RGS7: variants seen among roughly 807,000 people sequenced by gnomAD.
The protein encoded by RGS7 is regulator of G-protein signaling 7.
RGS7 carries 27 observed loss-of-function variants against 81.1 expected under a neutral mutation model. The ratio of observed to expected loss-of-function variants is 0.33; its 90% CI spans 0.25 to 0.46. The LOEUF (loss-of-function observed/expected upper bound fraction) is 0.46. RGS7 is among the 20% of genes least tolerant of loss of function. RGS7 has a pLI of 1.00. For missense variants in RGS7, 396 were observed against 607.4 expected, an observed-to-expected ratio of 0.65 and a Z score of 3.66; for synonymous variants, 208 against 207.7, an observed-to-expected ratio of 1.00 and a Z score of -0.01.
chr1:241,133,463 G>A (rs1263889206), intron 2 of RGS7, among the ~76,000 whole-genome samples: 1 of 151,450 alleles, frequency 6.6e-6, no homozygotes, highest in Non-Finnish European at 1.5e-5. Context: ...CAATATTGTA[G>A]AAAACTAAAG....
intron 16 of RGS7, among the ~76,000 whole-genome samples, 166 bp from the exon 17 acceptor site, chr1:240,801,674 AGGCTTCTTCTCACAGGACATG>A (rs1027439723): frequency 6.6e-6 from 1 of 152,170 alleles, no homozygotes; most frequent in African/African-American, 2.4e-5. Context: ...CCGCCAAGGG[AGGCTTCTTCTCACAGGACATG>A]GGCTCTGCTT....
intron 2 of RGS7, among the ~76,000 whole-genome samples, chr1:241,210,215 T>C (rs1050499091): frequency 1.3e-5 from 2 of 152,192 alleles, no homozygotes; most frequent in Non-Finnish European, 2.9e-5. Context: ...AGTGGTGCTA[T>C]CTTGGTTCAC....
At chr1:240,880,578 T>G (rs952739423) in intron 6 of RGS7, among the ~76,000 whole-genome samples, 1 of 152,162 alleles carries the variant, frequency 6.6e-6, no homozygotes, top group Non-Finnish European at 1.5e-5. Context: ...TGCTGCTCTA[T>G]AAACTGAGGT....
intron 3 of RGS7, among the ~76,000 whole-genome samples, chr1:241,083,258 C>CAAAAA (rs2063249548): frequency 8.0e-6 from 1 of 124,914 alleles, no homozygotes; most frequent in African/African-American, 4.0e-5. Flanking sequence ...GAAAAAGAAA[C>CAAAAA]AAAACAAAAC....
At chr1:241,162,188 C>T (rs891870181) in intron 2 of RGS7, among the ~76,000 whole-genome samples, 1 of 151,208 alleles carries the variant, frequency 6.6e-6, no homozygotes, top group African/African-American at 2.4e-5. Flanking sequence ...AGACCGTCTC[C>T]CAATAGATAT....
At chr1:240,978,137 C>T (rs1684419387) in intron 4 of RGS7, among the ~76,000 whole-genome samples, 1 of 152,196 alleles carries the variant, frequency 6.6e-6, no homozygotes, top group African/African-American at 2.4e-5. Context: ...GACGATCCCA[C>T]TGACATATAC....
chr1:240,936,047 G>C (rs1038627676), intron 5 of RGS7, among the ~76,000 whole-genome samples: 4 of 152,154 alleles, frequency 2.6e-5, no homozygotes, highest in African/African-American at 9.7e-5. Flanking sequence ...AAGAATAATA[G>C]CATCTGTGTC....
intron 6 of RGS7, among the ~76,000 whole-genome samples, chr1:240,876,416 C>A (rs990642029): frequency 6.6e-6 from 1 of 152,206 alleles, no homozygotes; most frequent in Non-Finnish European, 1.5e-5. Context: ...AAAGCAATTA[C>A]TGGGATCATG....
intron 4 of RGS7, among the ~76,000 whole-genome samples, chr1:240,944,417 G>A (rs1479141354): frequency 2.0e-5 from 3 of 149,858 alleles, no homozygotes; most frequent in Non-Finnish European, 4.4e-5. Context: ...CATCACAATG[G>A]CAAGGGCCAG....
intron 17 of RGS7, 31 bp downstream of exon 17, chr1:240,801,424 G>T (rs553612130): frequency 8.3e-6 from 12 of 1,448,228 alleles, no homozygotes; most frequent in Middle Eastern, 1.8e-4. Flanking sequence ...TGGACTTAAT[G>T]ATTCATAATT....
At chr1:240,974,526 G>T (rs989576117) in intron 4 of RGS7, among the ~76,000 whole-genome samples, 8 of 152,188 alleles carry the variant, frequency 5.3e-5, no homozygotes, top group Admixed American at 5.2e-4. Flanking sequence ...GCTGGAGAGG[G>T]TATGTGTCCT....
At chr1:241,336,051 TGAA>T (rs1352733926) in intron 2 of RGS7, among the ~76,000 whole-genome samples, 1 of 152,190 alleles carries the variant, frequency 6.6e-6, no homozygotes, top group African/African-American at 2.4e-5. Flanking sequence ...ACATTTTTTA[TGAA>T]GAAGACTTTT....
chr1:240,864,649 G>A (rs1662893504), intron 9 of RGS7, among the ~76,000 whole-genome samples: 1 of 152,172 alleles, frequency 6.6e-6, no homozygotes, highest in Non-Finnish European at 1.5e-5. Flanking sequence ...AAATAAAAGA[G>A]TTCAAAAATA....
chr1:240,914,074 C>T (rs1405424627), intron 6 of RGS7, among the ~76,000 whole-genome samples: 1 of 137,836 alleles, frequency 7.3e-6, no homozygotes, highest in Non-Finnish European at 1.5e-5. Context: ...CCCCCCACCC[C>T]ACAACAGAAT....
intron 3 of RGS7, among the ~76,000 whole-genome samples, chr1:240,990,657 T>C (rs1052300515): frequency 1.3e-5 from 2 of 152,240 alleles, no homozygotes; most frequent in African/African-American, 2.4e-5. Context: ...TCAGTTTTCA[T>C]AGAATTAAAA....
At chr1:240,943,347 G>A (rs895309616) in intron 4 of RGS7, among the ~76,000 whole-genome samples, 4 of 152,128 alleles carry the variant, frequency 2.6e-5, no homozygotes, top group Non-Finnish European at 2.9e-5. Context: ...GTAATCATCT[G>A]TAAGAAGTTG....
chr1:241,077,833 TCA>T (rs1432593704), intron 3 of RGS7, among the ~76,000 whole-genome samples: 2 of 152,214 alleles, frequency 1.3e-5, no homozygotes, highest in African/African-American at 4.8e-5. Context: ...ACTATCCGTG[TCA>T]CCCCTACCCT....
chr1:241,093,843 T>C lies in RGS7; in HGVS notation c.175+4823A>G, dbSNP rs991214761. On this transcript the variant is annotated intron_variant, in intron 3 of 18. Coordinates refer to ENST00000440928, the MANE Select transcript of RGS7 (RefSeq NM_001364886.1). ...TTTTTCATGTACACTCCTTTTTTTT[T>C]TGCAACCATAAATACTTTGTGTCCA... Among the ~76,000 whole-genome samples the C allele has an allele frequency of 2.0e-5, 3 of 152,098 alleles. No individual in the cohort carries two copies. In the East Asian group the frequency reaches 5.8e-4, roughly 29 times the overall value.
chr1:241,148,223 A>G (rs2068496087), intron 2 of RGS7, among the ~76,000 whole-genome samples: 1 of 151,558 alleles, frequency 6.6e-6, no homozygotes, highest in South Asian at 2.1e-4. Context: ...GCTAATTTTT[A>G]TAATTTTAGA....
Sources: allele counts gnomAD v4.1 joint callset (sites outside exome capture counted in the v4.1 genomes callset), GRCh38; gene constraint gnomAD v4.1.1; transcripts MANE v1.5; gene names NCBI Gene and HGNC (gene_info 2026-07-23, HGNC 2026-07-21).